ATP8A2: variants seen among roughly 807,000 people sequenced by gnomAD.
The protein encoded by ATP8A2 is ATPase phospholipid transporting 8A2.
ATP8A2 carries 100 observed loss-of-function variants against 165.6 expected under a neutral mutation model. That is an observed-to-expected ratio of 0.60 (90% CI 0.51 to 0.71). The LOEUF (loss-of-function observed/expected upper bound fraction) is 0.71. ATP8A2 is among the 30% of genes least tolerant of loss of function. The pLI is 0.00. For missense variants in ATP8A2, 1,227 were observed against 1,479.5 expected (o/e 0.83, Z 2.80); for synonymous variants, 543 against 548.8 (o/e 0.99, Z 0.15).
intron 33 of ATP8A2, chr13:25,880,923 C>A: frequency 2.2e-6 from 1 of 456,404 alleles, no homozygotes; most frequent in South Asian, 1.6e-5. Context: ...TTCCCCAAAT[C>A]TACTTTTCTG....
At chr13:25,426,643 T>C (rs1191340157) in intron 1 of ATP8A2, among the ~76,000 whole-genome samples, 3 of 151,990 alleles carry the variant, frequency 2.0e-5, no homozygotes, top group Admixed American at 6.6e-5. Flanking sequence ...CTGTGGACTT[T>C]AGTTAATAAT....
intron 1 of ATP8A2, among the ~76,000 whole-genome samples, chr13:25,387,989 G>A (rs1431097963): frequency 2.6e-5 from 4 of 152,006 alleles, no homozygotes; most frequent in African/African-American, 7.3e-5. Flanking sequence ...CTTGAGCCTG[G>A]GAGGCAGAGG....
At chr13:25,487,699 G>A (rs963801158) in intron 2 of ATP8A2, among the ~76,000 whole-genome samples, 1 of 152,176 alleles carries the variant, frequency 6.6e-6, no homozygotes, top group Non-Finnish European at 1.5e-5. Context: ...GGATGAATGT[G>A]TTTCAGGAAC....
intron 33 of ATP8A2, among the ~76,000 whole-genome samples, chr13:25,950,383 A>G (rs1955323406): frequency 6.6e-6 from 1 of 152,212 alleles, no homozygotes; most frequent in Non-Finnish European, 1.5e-5. Flanking sequence ...GGAGAAAAAT[A>G]GGAAATTAAA....
At chr13:25,923,492 A>G (rs547844328) in intron 33 of ATP8A2, among the ~76,000 whole-genome samples, 1 of 152,266 alleles carries the variant, frequency 6.6e-6, no homozygotes, top group Admixed American at 6.5e-5. Flanking sequence ...AAATGACGCT[A>G]TTAATATTGA....
intron 2 of ATP8A2, among the ~76,000 whole-genome samples, chr13:25,521,767 G>C (rs1206988700): frequency 6.6e-6 from 1 of 152,030 alleles, no homozygotes; most frequent in Non-Finnish European, 1.5e-5. Context: ...TCAAACTCCA[G>C]GCTTCAAGTG....
chr13:26,002,351 G>A (rs1395630906), intron 35 of ATP8A2, among the ~76,000 whole-genome samples: 2 of 151,746 alleles, frequency 1.3e-5, no homozygotes, highest in Non-Finnish European at 2.9e-5. Context: ...TCACTCATAG[G>A]TGGGAACTGA....
chr13:26,004,562 G>A (rs1956703478), intron 35 of ATP8A2, among the ~76,000 whole-genome samples: 1 of 152,040 alleles, frequency 6.6e-6, no homozygotes, highest in African/African-American at 2.4e-5. Context: ...GAATTGGCAA[G>A]AGTGGGCATC....
chr13:25,471,494 G>A (rs2035844592), intron 2 of ATP8A2, among the ~76,000 whole-genome samples: 1 of 152,054 alleles, frequency 6.6e-6, no homozygotes, highest in Non-Finnish European at 1.5e-5. Flanking sequence ...GGGATTACAG[G>A]CGCCTGCCCA....
In ATP8A2 at chr13:25,953,505, G is replaced by A. The variant is rs1312240608; in HGVS notation, c.3184-8070G>A. 7.8e-5 allele frequency among the ~76,000 whole-genome samples: 11 copies of A among 141,758 alleles called. No homozygotes were observed. The highest frequency in any genetic ancestry group is 3.0e-5 in the Non-Finnish European group (2 of 66,358). The allele number at this position is 141,758 out of a possible 152,430, so 93.0% of individuals were successfully genotyped here. On this transcript the variant is annotated intron_variant, in intron 33 of 36. Coordinates refer to ENST00000381655, the MANE Select transcript of ATP8A2 (RefSeq NM_016529.6). The surrounding 1 kb of genome is among the most constrained non-coding windows in gnomAD (Gnocchi z 6.7). Reference sequence around the variant, plus strand: ...ACACAAACTGACCTTATGTAGCCCTGGTTACTCCAGCCTTTTTAAAAAAAA... The same window carrying A: ...ACACAAACTGACCTTATGTAGCCCTAGTTACTCCAGCCTTTTTAAAAAAAA...
chr13:25,570,835 G>A lies in ATP8A2; in HGVS notation c.1542G>A (p.Lys514=). ...LAVCHTVVPE[K]DGDNIIYQAS... ...TGTGCCACACGGTTGTTCCTGAGAA[G>A]GATGGAGATAACATCATCTACCAGG... The change falls in exon 17 of 37, where the codon AAG becomes AAA. Residue 514 remains lysine, a synonymous_variant. Transcript: ENST00000381655. 6.2e-7 allele frequency: 1 copy of A among 1,613,774 alleles called. No homozygotes were observed. The highest frequency in any genetic ancestry group is 8.5e-7 in the Non-Finnish European group (1 of 1,179,742).
At chr13:25,468,766 G>A (rs949721940) in intron 1 of ATP8A2, 10 of 923,044 alleles carry the variant, frequency 1.1e-5, no homozygotes, top group African/African-American at 3.6e-5. Context: ...CGGGGCGTGG[G>A]CGTGGGCGGG....
intron 1 of ATP8A2, among the ~76,000 whole-genome samples, chr13:25,455,151 C>A (rs1210880539): frequency 6.6e-6 from 1 of 152,156 alleles, no homozygotes; most frequent in Non-Finnish European, 1.5e-5. Flanking sequence ...CCTCACTGTG[C>A]CCCACAGCAA....
At chr13:25,768,854 T>C (rs2044551794) in intron 25 of ATP8A2, among the ~76,000 whole-genome samples, 192 bp from the exon 26 acceptor site, 1 of 152,244 alleles carries the variant, frequency 6.6e-6, no homozygotes, top group African/African-American at 2.4e-5. Context: ...ATATTTCATC[T>C]GAGAAGTTGG....
intron 15 of ATP8A2, among the ~76,000 whole-genome samples, chr13:25,560,484 G>A (rs866814628): frequency 6.6e-6 from 1 of 151,938 alleles, no homozygotes; most frequent in Non-Finnish European, 1.5e-5. Context: ...CAGATCACTG[G>A]ACGTCAGGAG....
At chr13:25,832,506 T>C (rs1951505301) in intron 28 of ATP8A2, among the ~76,000 whole-genome samples, 1 of 152,086 alleles carries the variant, frequency 6.6e-6, no homozygotes, top group Non-Finnish European at 1.5e-5. Flanking sequence ...AAAGAAAAAG[T>C]ATGTGACAAA....
At chr13:25,816,589 C>T (rs1234399704) in intron 27 of ATP8A2, among the ~76,000 whole-genome samples, 1 of 152,186 alleles carries the variant, frequency 6.6e-6, no homozygotes, top group Non-Finnish European at 1.5e-5. Flanking sequence ...ACGTCCCATG[C>T]CTGTCCCCAA....
intron 10 of ATP8A2, among the ~76,000 whole-genome samples, chr13:25,544,607 T>C (rs371814058): frequency 6.6e-6 from 1 of 152,116 alleles, no homozygotes; most frequent in African/African-American, 2.4e-5. Context: ...TGTCTTTGTA[T>C]TTCTGGGGTA....
At chr13:25,667,663 C>G (rs1291472131) in intron 24 of ATP8A2, among the ~76,000 whole-genome samples, 1 of 151,634 alleles carries the variant, frequency 6.6e-6, no homozygotes, top group East Asian at 1.9e-4. Context: ...ATAAATTACC[C>G]AGTCTTAGAT....
Sources: allele counts gnomAD v4.1 joint callset (sites outside exome capture counted in the v4.1 genomes callset), GRCh38; gene constraint gnomAD v4.1.1; non-coding constraint Gnocchi (gnomAD v3.1); transcripts MANE v1.5; gene names NCBI Gene and HGNC (gene_info 2026-07-23, HGNC 2026-07-21).